MAB21L3: variants seen among roughly 807,000 people sequenced by gnomAD.
The protein encoded by MAB21L3 is mab-21 like 3, also known as protein mab-21-like 3.
A neutral mutation model predicts 37.7 loss-of-function variants in MAB21L3; 36 were observed. The ratio of observed to expected loss-of-function variants is 0.96; its 90% CI spans 0.73 to 1.26. The LOEUF is 1.26. Ranked by LOEUF, MAB21L3 falls within the 50% of genes most tolerant of loss-of-function variation. MAB21L3 has a pLI of 0.00. For synonymous variants in MAB21L3, 186 were observed against 176.8 expected, an observed-to-expected ratio of 1.05 and a Z score of -0.41; for missense variants, 430 against 447.3, an observed-to-expected ratio of 0.96 and a Z score of 0.35.
Position 116,127,598 on chromosome 1 carries a change from G to A in MAB21L3, c.614G>A (p.Arg205Gln), listed in dbSNP as rs150205624. ...TTWSKKARWP[R>Q]CLQRWPSQER... ...TGGTCCAAGAAAGCCCGGTGGCCTCGATGTCTGCAGCGCTGGCCTTCCCAA... is the reference window on the plus strand; with the variant it reads ...TGGTCCAAGAAAGCCCGGTGGCCTCAATGTCTGCAGCGCTGGCCTTCCCAA... Residue 205 changes from arginine to glutamine, a missense_variant, in exon 6 of 8, where the codon CGA becomes CAA. Transcript: ENST00000369500. The A allele has an allele frequency of 9.8e-5, 158 of 1,613,980 alleles. 1 individual carries two copies. Among genetic ancestry groups the A allele is most frequent in the Admixed American group, 4.5e-4 (27 of 59,990 alleles).
rs1178017829 is a variant in MAB21L3, at chr1:116,124,260, G to A, written c.384G>A (p.Glu128=). 16 of 1,614,092 alleles carry A rather than the reference G, an allele frequency of 9.9e-6. No homozygotes were observed. The highest frequency in any genetic ancestry group is 1.4e-5 in the Non-Finnish European group (16 of 1,180,050). Residue 128 remains glutamate (E), a synonymous_variant, in exon 5 of 8, where the codon GAG becomes GAA. Transcript: ENST00000369500. ...TGAAGAGCCTGTGGCAGTGGCATGA[G>A]ACAGATGTGAACATCGACGGAGACA... is the stretch of plus-strand genomic sequence containing the variant. The part of the protein sequence containing the change: ...QFMKSLWQWH[E]TDVNIDGDIV...
At chr1:116,122,051 C>T (rs1470505057) in intron 4 of MAB21L3, among the ~76,000 whole-genome samples, 1 of 152,128 alleles carries the variant, frequency 6.6e-6, no homozygotes, top group Admixed American at 6.5e-5. Context: ...TTCCTAGCAC[C>T]CAGCATGGTA....
chr1:116,127,435 T>C (rs756166057), intron 5 of MAB21L3, 31 bp from the exon 6 acceptor site: 1 of 1,600,970 alleles, frequency 6.2e-7, no homozygotes, highest in Non-Finnish European at 8.5e-7. Context: ...ACCTTTCTCT[T>C]CTCCTTATCC....
intron 7 of MAB21L3, among the ~76,000 whole-genome samples, chr1:116,132,771 A>G (rs549645674): frequency 5.3e-4 from 80 of 152,164 alleles, no homozygotes; most frequent in Non-Finnish European, 8.5e-4. Flanking sequence ...CCCCACAGGC[A>G]GAAGAGGCAG....
chr1:116,126,119 A>C (rs1177072845), intron 5 of MAB21L3, among the ~76,000 whole-genome samples: 1 of 152,160 alleles, frequency 6.6e-6, no homozygotes, highest in Non-Finnish European at 1.5e-5. Flanking sequence ...TAACACAATT[A>C]ATGTGCTTCC....
intron 3 of MAB21L3, among the ~76,000 whole-genome samples, chr1:116,117,833 C>T (rs571258204): frequency 4.0e-4 from 61 of 152,300 alleles, no homozygotes; most frequent in African/African-American, 1.4e-3. Context: ...GCCCCCTACC[C>T]TTTTATCTGT....
Position 116,128,277 on chromosome 1 carries a change from C to CACCT in MAB21L3, c.794_797dup (p.Lys267ProfsTer34). 6.2e-7 allele frequency: 1 copy of CACCT among 1,614,100 alleles called. No individual in the cohort carries two copies. Among genetic ancestry groups the CACCT allele is most frequent in the Non-Finnish European group, 8.5e-7 (1 of 1,180,012 alleles). Reference sequence around the variant, plus strand: ...TAGGAAGTGTTTTCAGGTCATGAGGCACCTGAAGGAGGACATCTGGTGCCC... The same window carrying CACCT: ...TAGGAAGTGTTTTCAGGTCATGAGGCACCTACCTGAAGGAGGACATCTGGTGCCC... On this transcript the variant is annotated frameshift_variant, in exon 7 of 8. Coordinates refer to ENST00000369500, the MANE Select transcript of MAB21L3 (RefSeq NM_152367.3). LOFTEE classifies it high-confidence loss of function.
At chr1:116,121,285 G>A (rs562994078) in intron 4 of MAB21L3, among the ~76,000 whole-genome samples, 1 of 152,258 alleles carries the variant, frequency 6.6e-6, no homozygotes, top group Non-Finnish European at 1.5e-5. Context: ...CAGCTCTTTG[G>A]GAGGCCAAGG....
rs1430247954 is a variant in MAB21L3, at chr1:116,111,625, G to A, written c.-391-4G>A. On this transcript the variant is annotated splice_polypyrimidine_tract_variant and splice_region_variant and intron_variant, in intron 1 of 7. Transcript: ENST00000369500. ...ATTGTGAAATTTTTTTTTTTTTTCT[G>A]TAGTAAAACTAGCCCCAGCCAGCCC... is the stretch of plus-strand genomic sequence containing the variant. 1 of 143,606 alleles carries A rather than the reference G, an allele frequency of 7.0e-6. No homozygotes were observed. The highest frequency in any genetic ancestry group is 2.6e-5 in the African/African-American group (1 of 38,748). The allele number at this position is 143,606 out of a possible 1,614,324, so 8.9% of individuals were successfully genotyped here.
rs759930731 is a variant in MAB21L3, at chr1:116,112,661, A to G, written c.46A>G (p.Lys16Glu). Residue 16 changes from lysine to glutamate, a missense_variant and splice_region_variant, in exon 3 of 8, where the codon AAG (lysine) becomes GAG (glutamate). By Grantham distance (56) the Lys-to-Glu change is moderately conservative. Coordinates refer to ENST00000369500, the MANE Select transcript of MAB21L3 (RefSeq NM_152367.3). The part of the protein sequence containing the change: ...VGDLEDCLLN[K>E]VDLRRQQISQ... ...AGACTTAGAAGATTGCCTACTGAAT[A>G]AGGTAAGGACAGACCCGGTCTCTCC... 10 of 1,613,866 alleles carry G rather than the reference A, an allele frequency of 6.2e-6. No homozygotes were observed. The highest frequency in any genetic ancestry group is 7.6e-6 in the Non-Finnish European group (9 of 1,179,966).
chr1:116,114,923 G>A (rs1310761867), intron 3 of MAB21L3, among the ~76,000 whole-genome samples: 1 of 152,126 alleles, frequency 6.6e-6, no homozygotes, highest in Non-Finnish European at 1.5e-5. Context: ...AGAAGTATAG[G>A]AAAGGTCTTC....
intron 3 of MAB21L3, among the ~76,000 whole-genome samples, chr1:116,119,541 C>T (rs1471364476): frequency 1.3e-5 from 2 of 152,064 alleles, no homozygotes; most frequent in Admixed American, 1.3e-4. Flanking sequence ...TATGTAGAAA[C>T]AGCCATTATA....
At chr1:116,120,428 C>CAG (rs35867001) in intron 3 of MAB21L3, among the ~76,000 whole-genome samples, 15,867 of 149,614 alleles carry the variant, frequency 0.11, 1,203 homozygotes, top group African/African-American at 0.2. Flanking sequence ...CACACACACA[C>CAG]ACAAACACAC....
At chr1:116,124,840 A>G (rs918065178) in intron 5 of MAB21L3, among the ~76,000 whole-genome samples, 1 of 151,210 alleles carries the variant, frequency 6.6e-6, no homozygotes, top group African/African-American at 2.4e-5. Flanking sequence ...TGACAACTCC[A>G]AAGTCTTAAG....
chr1:116,127,881 G>GT (rs1049743866), intron 6 of MAB21L3, among the ~76,000 whole-genome samples: 33 of 152,214 alleles, frequency 2.2e-4, no homozygotes, highest in Non-Finnish European at 4.1e-4. Context: ...AGCAATCTGT[G>GT]TTTTAAGAAG....
Position 116,136,505 on chromosome 1 carries a change from C to A in MAB21L3, c.*3140C>A, listed in dbSNP as rs1002403306. On this transcript the variant is annotated 3_prime_UTR_variant, in exon 8 of 8. Coordinates refer to ENST00000369500, the MANE Select transcript of MAB21L3 (RefSeq NM_152367.3). ...CAAACAAATGGAAGAACATTCCATG[C>A]TCATGGGTAGGAAGAATCAATATCG... 6.6e-6 allele frequency among the ~76,000 whole-genome samples: 1 copy of A among 152,148 alleles called. No homozygotes were observed. Among genetic ancestry groups the A allele is most frequent in the Non-Finnish European group, 1.5e-5 (1 of 68,006 alleles).
intron 3 of MAB21L3, among the ~76,000 whole-genome samples, chr1:116,115,127 A>C (rs1659552539): frequency 6.6e-6 from 1 of 152,190 alleles, no homozygotes; most frequent in South Asian, 2.1e-4. Context: ...CCTCATCTAT[A>C]AAATGGGGAT....
rs1292817 is a variant in MAB21L3 at position 116,134,632 on chromosome 1, C to T, written c.*1267C>T. 0.027 allele frequency: 4,125 copies of T among 152,316 alleles called. 76 individuals are homozygous for T. The highest frequency in any genetic ancestry group is 0.053 in the Admixed American group (806 of 15,300). The allele number at this position is 152,316 out of a possible 1,614,324, so 9.4% of individuals were successfully genotyped here. A position where few individuals can be genotyped will look rare whatever the true frequency, so the allele number is the denominator to read the frequency against. On this transcript the variant is annotated 3_prime_UTR_variant, in exon 8 of 8. Transcript: ENST00000369500. ...TAAGATCAAAGGTGTGACATTTGGC[C>T]TCTCCAGAAGCAGAAGAGTATCACG... is the stretch of plus-strand genomic sequence containing the variant.
intron 7 of MAB21L3, among the ~76,000 whole-genome samples, chr1:116,129,818 CCTT>C (rs1660018663): frequency 6.6e-6 from 1 of 152,204 alleles, no homozygotes; most frequent in Non-Finnish European, 1.5e-5. Context: ...CCTTGCTTCA[CCTT>C]CTTATCTTTC....
Sources: allele counts gnomAD v4.1 joint callset (sites outside exome capture counted in the v4.1 genomes callset), GRCh38; gene constraint gnomAD v4.1.1; transcripts MANE v1.5; gene names NCBI Gene and HGNC (gene_info 2026-07-23, HGNC 2026-07-21).